The following SLC16A1 variants were observed in gnomAD, a reference collection of about 807,000 sequenced individuals.
The protein encoded by SLC16A1 is solute carrier family 16 member 1.
SLC16A1 carries 11 observed loss-of-function variants against 32.2 expected under a neutral mutation model. The observed-to-expected ratio is 0.34, with a 90% CI of 0.21 to 0.56. The LOEUF (loss-of-function observed/expected upper bound fraction) is 0.56. Among genes scored for constraint, SLC16A1 ranks in the 20% least tolerant of loss-of-function variants. The pLI, the probability that SLC16A1 is intolerant of heterozygous loss-of-function variation, is 0.87. For synonymous variants in SLC16A1, 231 were observed against 226.8 expected, an observed-to-expected ratio of 1.02 and a Z score of -0.17; for missense variants, 435 against 615.0, an observed-to-expected ratio of 0.71 and a Z score of 3.10.
chr1:112,936,951 C>T (rs1282056937), intron 1 of SLC16A1, among the ~76,000 whole-genome samples: 2 of 152,142 alleles, frequency 1.3e-5, no homozygotes, highest in African/African-American at 4.8e-5. Context: ...AAAATTTCTA[C>T]TGGAATGAAT....
At chr1:112,949,749 A>G (rs1421920088) in intron 1 of SLC16A1, among the ~76,000 whole-genome samples, 1 of 151,854 alleles carries the variant, frequency 6.6e-6, no homozygotes, top group East Asian at 1.9e-4. Flanking sequence ...CATGCTGCCC[A>G]GTCTGCTCTT....
intron 1 of SLC16A1, among the ~76,000 whole-genome samples, chr1:112,949,737 G>A (rs964080396): frequency 8.6e-5 from 13 of 150,878 alleles, no homozygotes; most frequent in Non-Finnish European, 1.6e-4. Flanking sequence ...ACAGGGTTTC[G>A]CCATGCTGCC....
intron 3 of SLC16A1, among the ~76,000 whole-genome samples, chr1:112,919,733 C>T (rs1358761031): frequency 2.6e-5 from 4 of 152,056 alleles, no homozygotes; most frequent in Admixed American, 2.6e-4. Context: ...CATAGCAAAC[C>T]ATTCTTACAT....
intron 3 of SLC16A1, among the ~76,000 whole-genome samples, chr1:112,920,368 G>A (rs1648677736): frequency 6.6e-6 from 1 of 152,168 alleles, no homozygotes; most frequent in Non-Finnish European, 1.5e-5. Context: ...AGCACTTTGG[G>A]AGGCAGCGGC....
At chr1:112,914,244 C>CAT in intron 4 of SLC16A1, 79 bp from the exon 5 acceptor site, 1 of 1,493,870 alleles carries the variant, frequency 6.7e-7, no homozygotes, top group Non-Finnish European at 9.3e-7. Context: ...CTTAAGGATC[C>CAT]ATTCAGAAAG....
chr1:112,930,001 T>G (rs1649072823), intron 1 of SLC16A1, among the ~76,000 whole-genome samples: 1 of 152,222 alleles, frequency 6.6e-6, no homozygotes, highest in South Asian at 2.1e-4. Context: ...ATGTACTTCT[T>G]CATCTGGCTT....
At chr1:112,931,618 C>A (rs35178977) in intron 1 of SLC16A1, among the ~76,000 whole-genome samples, 1 of 125,514 alleles carries the variant, frequency 8.0e-6, no homozygotes, top group Non-Finnish European at 1.6e-5. Flanking sequence ...GCACTCCAGT[C>A]TGGGCGACAG....
chr1:112,942,035 G>A (rs1047658339), intron 1 of SLC16A1, among the ~76,000 whole-genome samples: 22 of 152,068 alleles, frequency 1.4e-4, no homozygotes, highest in Admixed American at 1.0e-3. Flanking sequence ...ACAATGGTGC[G>A]ATCTTGGCTC....
intron 1 of SLC16A1, among the ~76,000 whole-genome samples, chr1:112,933,149 T>C (rs914705655): frequency 6.6e-6 from 1 of 152,112 alleles, no homozygotes; most frequent in Non-Finnish European, 1.5e-5. Flanking sequence ...CAAGCAAAGA[T>C]TTCTGAAGGA....
At chr1:112,924,369 A>G (rs1648859387) in intron 2 of SLC16A1, 2 of 1,241,508 alleles carry the variant, frequency 1.6e-6, no homozygotes, top group Non-Finnish European at 2.4e-6. Context: ...AGGTTGCCCA[A>G]GGCTCTTCTG....
intron 1 of SLC16A1, among the ~76,000 whole-genome samples, chr1:112,934,926 G>A (rs1215443428): frequency 1.3e-5 from 2 of 152,128 alleles, no homozygotes; most frequent in African/African-American, 2.4e-5. Flanking sequence ...GTGAGCAAAC[G>A]CAATGCCAAT....
At chr1:112,949,081 C>A (rs1448715296) in intron 1 of SLC16A1, among the ~76,000 whole-genome samples, 2 of 152,124 alleles carry the variant, frequency 1.3e-5, no homozygotes, top group East Asian at 3.9e-4. Context: ...TGGTCTCGAT[C>A]TCCTGACCTT....
At chr1:112,935,489 T>C (rs1649271247) in intron 1 of SLC16A1, among the ~76,000 whole-genome samples, 1 of 152,124 alleles carries the variant, frequency 6.6e-6, no homozygotes, top group Admixed American at 6.6e-5. Flanking sequence ...CAGTAAACCT[T>C]AAGAATAGGT....
intron 1 of SLC16A1, among the ~76,000 whole-genome samples, chr1:112,953,153 CTTTTTTTTTT>C (rs55766100): frequency 2.3e-5 from 3 of 130,190 alleles, no homozygotes; most frequent in Admixed American, 1.7e-4. Context: ...ACTGAAAATC[CTTTTTTTTTT>C]TTTTTTTTTG....
chr1:112,913,903 TTCCTCC>T lies in SLC16A1; in HGVS notation c.1485_1490del (p.Glu496_Glu497del). On this transcript the variant is annotated inframe_deletion, in exon 5 of 5. Coordinates refer to ENST00000369626, the MANE Select transcript of SLC16A1 (RefSeq NM_003051.4). ...CAGCCCCATGGATTCAGACTGGACT[TTCCTCC>T]TCCTTGGGCCCTCCATCTGTGTCTT... 1 of 1,614,140 alleles carries T rather than the reference TTCCTCC, an allele frequency of 6.2e-7. No individual in the cohort carries two copies. The highest frequency in any genetic ancestry group is 1.1e-5 in the South Asian group (1 of 91,084).
intron 1 of SLC16A1, among the ~76,000 whole-genome samples, chr1:112,945,214 G>T (rs1649655548): frequency 6.6e-6 from 1 of 151,586 alleles, no homozygotes; most frequent in Non-Finnish European, 1.5e-5. Context: ...TGCCATGGCG[G>T]TCTCAAACTC....
chr1:112,913,922 C>T lies in SLC16A1; in HGVS notation c.1472G>A (p.Gly491Glu), dbSNP rs1259625723. 1 of 1,614,006 alleles carries T rather than the reference C, an allele frequency of 6.2e-7. No individual in the cohort carries two copies. Among genetic ancestry groups the T allele is most frequent in the Non-Finnish European group, 8.5e-7 (1 of 1,179,986 alleles). ...TGGACTTTCCTCCTCCTTGGGCCCT[C>T]CATCTGTGTCTTTCTGGTCCGGAGA... ...AESPDQKDTD[G>E]GPKEEESPV Residue 491 changes from glycine to glutamate, a missense_variant, in exon 5 of 5, where the codon GGA becomes GAA. By Grantham distance (98) the Gly-to-Glu change is moderately conservative. Coordinates refer to ENST00000369626, the MANE Select transcript of SLC16A1 (RefSeq NM_003051.4).
At chr1:112,925,426 C>A (rs970392396) in intron 2 of SLC16A1, among the ~76,000 whole-genome samples, 1 of 151,304 alleles carries the variant, frequency 6.6e-6, no homozygotes, top group Non-Finnish European at 1.5e-5. Context: ...GTCACCCAGG[C>A]TGGAATGCAG....
intron 2 of SLC16A1, chr1:112,923,922 C>T: frequency 6.6e-7 from 1 of 1,520,302 alleles, no homozygotes. Flanking sequence ...GCACTCTGGA[C>T]TGAGGTTCTA....
Sources: gnomAD v4.1 joint callset for allele counts (sites outside exome capture counted in the v4.1 genomes callset) on GRCh38, gnomAD v4.1.1 for gene constraint, MANE v1.5 for transcripts, NCBI Gene and HGNC (gene_info 2026-07-23, HGNC 2026-07-21) for gene names.